GLRB: variants seen among roughly 807,000 people sequenced by gnomAD.
The protein encoded by GLRB is glycine receptor subunit beta.
In GLRB, 33 loss-of-function variants were observed where a neutral mutation model predicts 54.2. That is an observed-to-expected ratio of 0.61 (90% CI 0.46 to 0.81). The LOEUF is 0.81. Among genes scored for constraint, GLRB ranks in the 40% least tolerant of loss-of-function variants. The pLI is 0.00. For synonymous variants in GLRB, 209 were observed against 208.2 expected, an observed-to-expected ratio of 1.00 and a Z score of -0.03; for missense variants, 572 against 584.6, an observed-to-expected ratio of 0.98 and a Z score of 0.22.
chr4:157,128,174 A>G (rs1454138813), intron 4 of GLRB, among the ~76,000 whole-genome samples: 1 of 151,810 alleles, frequency 6.6e-6, no homozygotes, highest in Non-Finnish European at 1.5e-5. Flanking sequence ...TAAGGATGTA[A>G]TTTTTAAATA....
At chr4:157,078,671 G>A (rs991493648) in intron 2 of GLRB, among the ~76,000 whole-genome samples, 2 of 152,086 alleles carry the variant, frequency 1.3e-5, no homozygotes, top group African/African-American at 4.8e-5. Context: ...TAGGAGATTA[G>A]GATATTTTGT....
intron 8 of GLRB, among the ~76,000 whole-genome samples, chr4:157,146,552 C>T (rs985972682): frequency 1.3e-5 from 2 of 151,956 alleles, no homozygotes; most frequent in Non-Finnish European, 2.9e-5. Context: ...AGAGCAGTGG[C>T]TCACCCCTGT....
chr4:157,154,351 G>A (rs1737141620), intron 9 of GLRB, among the ~76,000 whole-genome samples: 2 of 150,030 alleles, frequency 1.3e-5, no homozygotes, highest in Admixed American at 6.6e-5. Flanking sequence ...TATTGATATA[G>A]TAAGGTTTTC....
At chr4:157,111,996 T>A (rs2126509068) in intron 2 of GLRB, among the ~76,000 whole-genome samples, 1 of 152,106 alleles carries the variant, frequency 6.6e-6, no homozygotes, top group East Asian at 1.9e-4. Context: ...CTTCCTGGGC[T>A]ATTTATTCTT....
At chr4:157,105,795 G>T (rs1034387086) in intron 2 of GLRB, among the ~76,000 whole-genome samples, 3 of 151,756 alleles carry the variant, frequency 2.0e-5, no homozygotes, top group African/African-American at 7.3e-5. Context: ...GATAATAATT[G>T]ACTTAAAGTC....
At chr4:157,128,726 G>A (rs1159484322) in intron 4 of GLRB, among the ~76,000 whole-genome samples, 1 of 151,732 alleles carries the variant, frequency 6.6e-6, no homozygotes, top group Non-Finnish European at 1.5e-5. Context: ...TATAAACCTT[G>A]AAAAATGATA....
At chr4:157,147,393 T>C (rs528096373) in intron 8 of GLRB, among the ~76,000 whole-genome samples, 8 of 152,214 alleles carry the variant, frequency 5.3e-5, no homozygotes, top group African/African-American at 1.9e-4. Flanking sequence ...GGGGAGGTCA[T>C]TGGTGTCCAT....
intron 4 of GLRB, among the ~76,000 whole-genome samples, chr4:157,126,544 T>C (rs17035682): frequency 0.034 from 5,234 of 151,960 alleles, 154 homozygotes; most frequent in African/African-American, 0.081. Flanking sequence ...ATAAATGTTA[T>C]CATCCCAATT....
At chr4:157,090,832 T>G (rs1217006409) in intron 2 of GLRB, among the ~76,000 whole-genome samples, 1 of 152,212 alleles carries the variant, frequency 6.6e-6, no homozygotes, top group Non-Finnish European at 1.5e-5. Flanking sequence ...CTCATTGGAA[T>G]GTCTGTGAGT....
At chr4:157,166,490 A>G (rs1418971436) in intron 9 of GLRB, among the ~76,000 whole-genome samples, 1 of 152,088 alleles carries the variant, frequency 6.6e-6, no homozygotes, top group Non-Finnish European at 1.5e-5. Flanking sequence ...TGAATGGGGC[A>G]AGGAGACTAG....
At chr4:157,099,436 A>G (rs755517378) in intron 2 of GLRB, among the ~76,000 whole-genome samples, 10 of 151,804 alleles carry the variant, frequency 6.6e-5, no homozygotes, top group Non-Finnish European at 1.2e-4. Context: ...TCCTGGGTTC[A>G]AGTGATTCTC....
chr4:157,103,732 A>G (rs1392173189), intron 2 of GLRB, among the ~76,000 whole-genome samples: 1 of 151,982 alleles, frequency 6.6e-6, no homozygotes, highest in African/African-American at 2.4e-5. Flanking sequence ...GGTGTTTTAT[A>G]GTTTTCGGTG....
At chr4:157,087,402 G>T (rs189556194) in intron 2 of GLRB, among the ~76,000 whole-genome samples, 6 of 152,162 alleles carry the variant, frequency 3.9e-5, no homozygotes, top group African/African-American at 1.2e-4. Context: ...CATTTGTATA[G>T]TGAAAAGTTT....
At chr4:157,105,767 T>C (rs750924655) in intron 2 of GLRB, among the ~76,000 whole-genome samples, 2 of 152,082 alleles carry the variant, frequency 1.3e-5, no homozygotes, top group African/African-American at 2.4e-5. Context: ...TTATGTAATG[T>C]TTTTCTTTGT....
chr4:157,122,765 T>C (rs1364344424), intron 4 of GLRB, among the ~76,000 whole-genome samples: 2 of 151,780 alleles, frequency 1.3e-5, no homozygotes, highest in African/African-American at 2.4e-5. Context: ...GTATTCAAGT[T>C]TTTTTCTTCC....
At chr4:157,090,157 A>G (rs1211615132) in intron 2 of GLRB, among the ~76,000 whole-genome samples, 1 of 152,180 alleles carries the variant, frequency 6.6e-6, no homozygotes, top group Non-Finnish European at 1.5e-5. Flanking sequence ...GGTCCCCTCT[A>G]CAACCTAGAG....
chr4:157,093,456 T>C (rs1201963003), intron 2 of GLRB, among the ~76,000 whole-genome samples: 1 of 152,078 alleles, frequency 6.6e-6, no homozygotes, highest in Non-Finnish European at 1.5e-5. Flanking sequence ...AATATATAGT[T>C]CTGGCCAGGC....
At chr4:157,107,822 G>A (rs1283566837) in intron 2 of GLRB, among the ~76,000 whole-genome samples, 1 of 152,066 alleles carries the variant, frequency 6.6e-6, no homozygotes, top group African/African-American at 2.4e-5. Flanking sequence ...ATTGGAAGAA[G>A]ACACCATTAT....
intron 2 of GLRB, among the ~76,000 whole-genome samples, chr4:157,095,796 A>G (rs1734787630): frequency 6.6e-6 from 1 of 152,138 alleles, no homozygotes; most frequent in African/African-American, 2.4e-5. Context: ...GAGCAAATAG[A>G]TCAGATCAGA....
Sources: gnomAD v4.1 joint callset for allele counts (sites outside exome capture counted in the v4.1 genomes callset) on GRCh38, gnomAD v4.1.1 for gene constraint, MANE v1.5 for transcripts, NCBI Gene and HGNC (gene_info 2026-07-23, HGNC 2026-07-21) for gene names.